Variants in AHCYL2 observed in about 807,000 individuals in gnomAD.
AHCYL2 encodes the protein adenosylhomocysteinase like 2.
AHCYL2 carries 28 observed loss-of-function variants against 81.4 expected under a neutral mutation model. The observed-to-expected ratio is 0.34, with a 90% CI of 0.25 to 0.47. AHCYL2 has a LOEUF of 0.47. Among genes scored for constraint, AHCYL2 ranks in the 20% least tolerant of loss-of-function variants. The probability of loss-of-function intolerance (pLI) is 1.00; values close to 1 mark genes in which losing one functional copy is unlikely to be tolerated. For synonymous variants in AHCYL2, 272 were observed against 290.2 expected (o/e 0.94, Z 0.64); for missense variants, 551 against 785.1 (o/e 0.70, Z 3.56).
At chr7:129,272,780 A>G (rs1258912560) in intron 1 of AHCYL2, among the ~76,000 whole-genome samples, 1 of 152,216 alleles carries the variant, frequency 6.6e-6, no homozygotes, top group East Asian at 1.9e-4. Context: ...TAAATGAACT[A>G]AAAAATGAAC....
chr7:129,413,814 T>G (rs1796713497), intron 12 of AHCYL2, 126 bp downstream of exon 12: 1 of 735,268 alleles, frequency 1.4e-6, no homozygotes, highest in South Asian at 1.6e-5. Context: ...GTCCACATCT[T>G]TTCACTTACT....
intron 1 of AHCYL2, among the ~76,000 whole-genome samples, chr7:129,261,382 T>C (rs1023150738): frequency 1.1e-4 from 16 of 152,346 alleles, no homozygotes; most frequent in Non-Finnish European, 2.2e-4. Flanking sequence ...AGTTACTTCT[T>C]TCCAGATTTA....
chr7:129,256,992 T>A (rs186749837), intron 1 of AHCYL2, among the ~76,000 whole-genome samples: 22 of 152,236 alleles, frequency 1.4e-4, no homozygotes, highest in Non-Finnish European at 2.4e-4. Context: ...CCCCCTTTTG[T>A]CTTGACATGA....
At chr7:129,340,048 A>G (rs1476196826) in intron 1 of AHCYL2, among the ~76,000 whole-genome samples, 2 of 148,716 alleles carry the variant, frequency 1.3e-5, no homozygotes, top group Non-Finnish European at 3.0e-5. Context: ...CCTCCCTAGC[A>G]GCTGGGACTA....
intron 6 of AHCYL2, among the ~76,000 whole-genome samples, chr7:129,402,189 G>A (rs1467219595): frequency 6.6e-6 from 1 of 152,186 alleles, no homozygotes; most frequent in African/African-American, 2.4e-5. Context: ...ACTCAGAAGA[G>A]CTTTTTGCTT....
chr7:129,291,628 G>A (rs2566888), intron 1 of AHCYL2, among the ~76,000 whole-genome samples: 149,287 of 149,292 alleles, frequency 1, 74,641 homozygotes, highest in Middle Eastern at 1. Context: ...TTTGAGACAG[G>A]GTCTTGCTGT....
At chr7:129,289,741 A>T (rs1448624273) in intron 1 of AHCYL2, among the ~76,000 whole-genome samples, 13 of 147,946 alleles carry the variant, frequency 8.8e-5, no homozygotes, top group South Asian at 2.1e-4. Flanking sequence ...AATTCATTGC[A>T]TTTTTTTCCT....
At chr7:129,237,417 A>G (rs535079422) in intron 1 of AHCYL2, among the ~76,000 whole-genome samples, 1 of 152,256 alleles carries the variant, frequency 6.6e-6, no homozygotes, top group African/African-American at 2.4e-5. Context: ...CTTAACTCTT[A>G]GTTTACATGT....
intron 1 of AHCYL2, among the ~76,000 whole-genome samples, chr7:129,321,745 T>G (rs1176128562): frequency 4.2e-5 from 3 of 71,410 alleles, no homozygotes; most frequent in African/African-American, 1.9e-4. Flanking sequence ...CTTTCTTTGT[T>G]TTTTTTTTTT....
intron 11 of AHCYL2, among the ~76,000 whole-genome samples, chr7:129,411,893 C>A (rs923797656): frequency 6.6e-6 from 1 of 151,886 alleles, no homozygotes; most frequent in African/African-American, 2.4e-5. Context: ...TTTTATTTAC[C>A]CATTCATTAA....
At chr7:129,232,485 C>T (rs1029785697) in intron 1 of AHCYL2, among the ~76,000 whole-genome samples, 1 of 152,220 alleles carries the variant, frequency 6.6e-6, no homozygotes, top group African/African-American at 2.4e-5. Context: ...CTTTGGATCT[C>T]ACAATCTAGC....
intron 1 of AHCYL2, among the ~76,000 whole-genome samples, chr7:129,231,564 G>A (rs1794439970): frequency 2.0e-5 from 3 of 152,190 alleles, no homozygotes; most frequent in Admixed American, 2.0e-4. Context: ...AGGCAGATGG[G>A]AAGAGAACAA....
intron 1 of AHCYL2, among the ~76,000 whole-genome samples, chr7:129,314,171 C>CT (rs1797756303): frequency 6.6e-6 from 1 of 152,088 alleles, no homozygotes; most frequent in Non-Finnish European, 1.5e-5. Context: ...TCAAGTCATC[C>CT]CTTCTAGTCT....
intron 8 of AHCYL2, chr7:129,405,512 GA>G (rs34825108): frequency 4.0e-4 from 134 of 338,342 alleles, no homozygotes; most frequent in East Asian, 6.7e-4. Flanking sequence ...CAAGAAAGGG[GA>G]AAAAAAAAGG....
At chr7:129,414,272 C>G (rs1453700243) in intron 12 of AHCYL2, among the ~76,000 whole-genome samples, 2 of 152,138 alleles carry the variant, frequency 1.3e-5, no homozygotes, top group Non-Finnish European at 2.9e-5. Context: ...AATTCAGCAC[C>G]ATTGTGTAGT....
intron 1 of AHCYL2, among the ~76,000 whole-genome samples, chr7:129,248,643 A>C (rs946945885): frequency 7.4e-6 from 1 of 135,394 alleles, no homozygotes; most frequent in Admixed American, 7.5e-5. Context: ...TTTCAAAATT[A>C]TTTTGGGTAT....
chr7:129,324,502 C>T (rs1488448185), intron 1 of AHCYL2, among the ~76,000 whole-genome samples: 1 of 151,996 alleles, frequency 6.6e-6, no homozygotes, highest in Non-Finnish European at 1.5e-5. Context: ...GTTTTACCTC[C>T]ATATTGGCTT....
intron 1 of AHCYL2, among the ~76,000 whole-genome samples, chr7:129,242,511 T>C (rs1246300377): frequency 6.6e-6 from 1 of 151,950 alleles, no homozygotes; most frequent in Admixed American, 6.6e-5. Flanking sequence ...AGGTCAGAAG[T>C]TTGAGACCAG....
intron 1 of AHCYL2, among the ~76,000 whole-genome samples, chr7:129,245,855 G>A (rs930266145): frequency 6.6e-6 from 1 of 152,060 alleles, no homozygotes; most frequent in African/African-American, 2.4e-5. Context: ...GAGTTCTGTT[G>A]GTTGTATACC....
Sources: gnomAD v4.1 joint callset for allele counts (sites outside exome capture counted in the v4.1 genomes callset) on GRCh38, gnomAD v4.1.1 for gene constraint, MANE v1.5 for transcripts, NCBI Gene and HGNC (gene_info 2026-07-23, HGNC 2026-07-21) for gene names.